The following TRAPPC9 variants were observed in gnomAD, a reference collection of about 807,000 sequenced individuals.
TRAPPC9 encodes IKK2 binding protein.
A neutral mutation model predicts 124.0 loss-of-function variants in TRAPPC9; 83 were observed. The observed-to-expected ratio is 0.67, with a 90% CI of 0.56 to 0.80. TRAPPC9 has a LOEUF of 0.80. Among genes scored for constraint, TRAPPC9 ranks in the 30% least tolerant of loss-of-function variants. The probability of loss-of-function intolerance (pLI) is 0.00; values close to 1 mark genes in which losing one functional copy is unlikely to be tolerated. For synonymous variants in TRAPPC9, 638 were observed against 617.5 expected (o/e 1.03, Z -0.49); for missense variants, 1,302 against 1,508.3 (o/e 0.86, Z 2.27).
At position 139,854,858 on chromosome 8, in the gene TRAPPC9, C is replaced by T. The variant is rs541371145; in HGVS notation, c.3055+31021G>A. ...ACTGAGGCCAGCGCTGGTTTCCCTA[C>T]GACCTGCCTGGGAAGCACACTGGCC... On this transcript the variant is annotated intron_variant, in intron 21 of 22. Transcript: ENST00000438773. Among the ~76,000 whole-genome samples the T allele has an allele frequency of 1.5e-4, 23 of 152,262 alleles. No homozygotes were observed. The South Asian group carries it at 3.9e-3, about 26-fold the overall frequency.
intron 20 of TRAPPC9, among the ~76,000 whole-genome samples, chr8:139,886,320 T>C (rs925404433): frequency 6.6e-6 from 1 of 152,246 alleles, no homozygotes; most frequent in Non-Finnish European, 1.5e-5. Context: ...GCAAACTGGT[T>C]CACTGTTCAA....
chr8:140,137,079 AG>A (rs2061315866), intron 17 of TRAPPC9, among the ~76,000 whole-genome samples: 1 of 152,222 alleles, frequency 6.6e-6, no homozygotes, highest in Non-Finnish European at 1.5e-5. Context: ...AAAGCCTCTC[AG>A]GAAAAAGCGG....
intron 21 of TRAPPC9, among the ~76,000 whole-genome samples, chr8:139,757,368 G>T (rs1480080379): frequency 5.7e-4 from 54 of 94,620 alleles, no homozygotes; most frequent in Admixed American, 7.6e-4. Flanking sequence ...AGCCAGCGTT[G>T]GGGGATGAGG....
intron 18 of TRAPPC9, among the ~76,000 whole-genome samples, chr8:139,995,861 T>TAAAAAAA: frequency 1.0e-5 from 1 of 96,888 alleles, no homozygotes; most frequent in Non-Finnish European, 2.0e-5. Context: ...TACTCTGCAT[T>TAAAAAAA]AAAAAAAAAA....
At chr8:139,908,944 C>T (rs1426441647) in intron 20 of TRAPPC9, among the ~76,000 whole-genome samples, 1 of 152,218 alleles carries the variant, frequency 6.6e-6, no homozygotes, top group Non-Finnish European at 1.5e-5. Context: ...CCCAAGCACT[C>T]TATTTTTCAT....
intron 21 of TRAPPC9, among the ~76,000 whole-genome samples, chr8:139,842,052 AG>A (rs1469088916): frequency 1.3e-5 from 2 of 152,196 alleles, no homozygotes; most frequent in Non-Finnish European, 2.9e-5. Flanking sequence ...CTTTGAAATG[AG>A]GAAAGAGAAC....
chr8:139,750,623 C>T (rs1343707517), intron 21 of TRAPPC9, among the ~76,000 whole-genome samples: 4 of 152,216 alleles, frequency 2.6e-5, no homozygotes, highest in African/African-American at 7.2e-5. Flanking sequence ...TGGCTTGTGG[C>T]CCCTGCTCCT....
At chr8:139,995,993 T>C (rs1837940269) in intron 18 of TRAPPC9, among the ~76,000 whole-genome samples, 1 of 147,918 alleles carries the variant, frequency 6.8e-6, no homozygotes, top group African/African-American at 2.5e-5. Context: ...CAGGAAAATA[T>C]CAAGTCATGA....
chr8:139,838,196 C>G (rs1826483408), intron 21 of TRAPPC9, among the ~76,000 whole-genome samples: 1 of 152,192 alleles, frequency 6.6e-6, no homozygotes, highest in Non-Finnish European at 1.5e-5. Context: ...ATAGCTCTTC[C>G]TCATCCTGCA....
In TRAPPC9 at chr8:140,341,672, C is replaced by T. The variant is rs536372478; in HGVS notation, c.1495+18378G>A. 8.8e-5 allele frequency among the ~76,000 whole-genome samples: 13 copies of T among 148,324 alleles called. No homozygotes were observed. In the East Asian group the frequency reaches 9.8e-4, roughly 11 times the overall value. On this transcript the variant is annotated intron_variant, in intron 9 of 22. Transcript: ENST00000438773. ...CAAATGTGATAAGCATTGTTATATA[C>T]GCATGGGAAAAAAAAAAAAAAACTT...
chr8:140,291,206 A>C lies in TRAPPC9; in HGVS notation c.1769-128T>G, dbSNP rs936201121. On this transcript the variant is annotated intron_variant, in intron 11 of 22. Transcript: ENST00000438773. ...GGCAGCAGGCTCTATGATCTTCTTG[A>C]GATGGGTGATTCAAAGCTGCTTTTT... 5.9e-6 allele frequency: 5 copies of C among 852,546 alleles called. No individual in the cohort carries two copies. In the African/African-American group the frequency reaches 6.7e-5, roughly 11 times the overall value. 52.8% of individuals were successfully genotyped at this position (852,546 alleles called of 1,614,324 possible).
At chr8:139,991,696 C>T (rs1251668386) in intron 18 of TRAPPC9, among the ~76,000 whole-genome samples, 1 of 151,794 alleles carries the variant, frequency 6.6e-6, no homozygotes, top group Non-Finnish European at 1.5e-5. Context: ...GACACGTTTG[C>T]CTGGCTTAGA....
chr8:140,369,398 C>T (rs571351766), intron 8 of TRAPPC9, among the ~76,000 whole-genome samples: 21 of 152,338 alleles, frequency 1.4e-4, no homozygotes, highest in Non-Finnish European at 2.6e-4. Flanking sequence ...GCCATCGCAT[C>T]ACTCACCCAA....
chr8:140,186,130 T>G (rs758339382), intron 17 of TRAPPC9, among the ~76,000 whole-genome samples: 1 of 152,148 alleles, frequency 6.6e-6, no homozygotes, highest in Admixed American at 6.5e-5. Context: ...CTAAACAAAC[T>G]TCAAAGTAAA....
chr8:139,950,972 C>T (rs1834603895), intron 19 of TRAPPC9, among the ~76,000 whole-genome samples: 1 of 152,178 alleles, frequency 6.6e-6, no homozygotes, highest in African/African-American at 2.4e-5. Flanking sequence ...GTGAGTCAAC[C>T]GAGGACAACG....
At chr8:140,008,190 T>C (rs2131833218) in intron 18 of TRAPPC9, among the ~76,000 whole-genome samples, 1 of 152,382 alleles carries the variant, frequency 6.6e-6, no homozygotes, top group East Asian at 1.9e-4. Context: ...ATTGAATTGT[T>C]AAGTTCCCTT....
intron 21 of TRAPPC9, among the ~76,000 whole-genome samples, chr8:139,832,317 G>A (rs986354376): frequency 6.6e-6 from 1 of 152,258 alleles, no homozygotes; most frequent in African/African-American, 2.4e-5. Context: ...CTCAGAGACT[G>A]CTTTTAATAC....
chr8:139,769,051 G>A (rs1355654543), intron 21 of TRAPPC9, among the ~76,000 whole-genome samples: 1 of 152,154 alleles, frequency 6.6e-6, no homozygotes. Context: ...TATGAATTTC[G>A]AGACTCCACA....
chr8:140,073,519 A>T (rs1419134551), intron 17 of TRAPPC9, among the ~76,000 whole-genome samples: 1 of 152,234 alleles, frequency 6.6e-6, no homozygotes, highest in Non-Finnish European at 1.5e-5. Context: ...ATCAGAACTG[A>T]GGACACCTCT....
Sources: allele counts gnomAD v4.1 joint callset (sites outside exome capture counted in the v4.1 genomes callset), GRCh38; gene constraint gnomAD v4.1.1; transcripts MANE v1.5; gene names NCBI Gene and HGNC (gene_info 2026-07-23, HGNC 2026-07-21).